RGS17: variants seen among roughly 807,000 people sequenced by gnomAD.
RGS17 encodes the protein regulator of G protein signaling 17, also known as regulator of G-protein signaling 17.
RGS17 carries 12 observed loss-of-function variants against 25.5 expected under a neutral mutation model. That is an observed-to-expected ratio of 0.47 (90% CI 0.30 to 0.76). RGS17 has a LOEUF of 0.76. RGS17 is among the 30% of genes least tolerant of loss of function. The pLI, the probability that RGS17 is intolerant of heterozygous loss-of-function variation, is 0.07. For synonymous variants in RGS17, 71 were observed against 76.9 expected (o/e 0.92, Z 0.40); for missense variants, 196 against 242.2 (o/e 0.81, Z 1.27).
chr6:153,085,819 C>T (rs760019038), intron 1 of RGS17, among the ~76,000 whole-genome samples: 5 of 152,068 alleles, frequency 3.3e-5, no homozygotes, highest in African/African-American at 9.7e-5. Flanking sequence ...AAATAGAGCC[C>T]ATGTACCCAG....
At chr6:153,054,877 A>G (rs972512821) in intron 1 of RGS17, among the ~76,000 whole-genome samples, 7 of 152,156 alleles carry the variant, frequency 4.6e-5, no homozygotes, top group African/African-American at 1.4e-4. Context: ...CATTTGGAAC[A>G]GATCACTCCT....
chr6:153,060,992 A>T (rs1776629579), intron 1 of RGS17, among the ~76,000 whole-genome samples: 1 of 152,172 alleles, frequency 6.6e-6, no homozygotes, highest in South Asian at 2.1e-4. Flanking sequence ...GGAGAATGAG[A>T]AGGCATCTTT....
At chr6:153,038,219 A>G (rs1446646579) in intron 2 of RGS17, among the ~76,000 whole-genome samples, 2 of 151,898 alleles carry the variant, frequency 1.3e-5, no homozygotes, top group Non-Finnish European at 2.9e-5. Flanking sequence ...TTTATCTACA[A>G]TTTCTTCCTC....
intron 1 of RGS17, among the ~76,000 whole-genome samples, chr6:153,101,321 A>C (rs1019597424): frequency 6.6e-5 from 10 of 152,176 alleles, no homozygotes; most frequent in African/African-American, 9.7e-5. Context: ...ATAGTATAAG[A>C]AGCACTGACT....
At chr6:153,090,100 C>A (rs1356098275) in intron 1 of RGS17, among the ~76,000 whole-genome samples, 1 of 151,920 alleles carries the variant, frequency 6.6e-6, no homozygotes, top group African/African-American at 2.4e-5. Context: ...CTGCTATCTG[C>A]TGTATGATGT....
At chr6:153,104,772 G>A (rs895489061) in intron 1 of RGS17, among the ~76,000 whole-genome samples, 1 of 150,612 alleles carries the variant, frequency 6.6e-6, no homozygotes, top group Admixed American at 6.6e-5. Flanking sequence ...GCAGTGAGCA[G>A]AGATCACGCC....
chr6:153,047,284 T>C (rs2129111210), intron 1 of RGS17, among the ~76,000 whole-genome samples: 1 of 152,318 alleles, frequency 6.6e-6, no homozygotes, highest in East Asian at 1.9e-4. Context: ...GATGCTGAAC[T>C]TAATGACCTG....
At chr6:153,024,622 A>G in intron 3 of RGS17, 126 bp from the exon 4 acceptor site, 1 of 696,814 alleles carries the variant, frequency 1.4e-6, no homozygotes, top group Admixed American at 2.7e-5. Context: ...GTATTTTGCC[A>G]CTCAGTCCAG....
chr6:153,085,174 T>C lies in RGS17; in HGVS notation c.-25-41131A>G, dbSNP rs541201020. Reference sequence around the variant, plus strand: ...ATGTTTCTATCTTGTATAGTATCCATAGTCAACACTTTGATACTGATATTT... The same window carrying C: ...ATGTTTCTATCTTGTATAGTATCCACAGTCAACACTTTGATACTGATATTT... On this transcript the variant is annotated intron_variant, in intron 1 of 4. Coordinates refer to ENST00000206262, the MANE Select transcript of RGS17 (RefSeq NM_012419.5). 2.5e-4 allele frequency among the ~76,000 whole-genome samples: 38 copies of C among 152,332 alleles called. No individual in the cohort carries two copies. The South Asian group carries it at 5.8e-3, about 23-fold the overall frequency.
At position 153,009,337 on chromosome 6, in the gene RGS17, TCACA is replaced by T. The variant is rs917326253; in HGVS notation, c.*2233_*2236del. On this transcript the variant is annotated 3_prime_UTR_variant, in exon 5 of 5. Transcript: ENST00000206262. ...GTCATGTGCACCAATTTGTTGAGCCTCACACACAGAAACAAATATGATACTACAC... is the reference window on the plus strand; with the variant it reads ...GTCATGTGCACCAATTTGTTGAGCCTCACAGAAACAAATATGATACTACAC... The T allele has an allele frequency of 2.0e-5, 3 of 152,050 alleles. No homozygotes were observed. The highest frequency in any genetic ancestry group is 7.2e-5 in the African/African-American group (3 of 41,438). 9.4% of individuals were successfully genotyped at this position (152,050 alleles called of 1,614,324 possible).
chr6:153,063,656 G>T (rs78966768), intron 1 of RGS17, among the ~76,000 whole-genome samples: 1 of 152,044 alleles, frequency 6.6e-6, no homozygotes, highest in African/African-American at 2.4e-5. Flanking sequence ...GAAAGAGAAG[G>T]GTAGAAAGTT....
intron 1 of RGS17, among the ~76,000 whole-genome samples, chr6:153,097,140 A>T (rs1379914559): frequency 1.3e-5 from 2 of 152,160 alleles, no homozygotes; most frequent in Non-Finnish European, 2.9e-5. Flanking sequence ...AATTGCATGA[A>T]ACAATTATCA....
chr6:153,027,867 AAAG>A (rs1294604546), intron 2 of RGS17, among the ~76,000 whole-genome samples: 1 of 152,190 alleles, frequency 6.6e-6, no homozygotes, highest in African/African-American at 2.4e-5. Context: ...GTTGGTATGG[AAAG>A]AAAGTGTTTA....
chr6:153,086,959 G>A (rs1272181740), intron 1 of RGS17, among the ~76,000 whole-genome samples: 1 of 152,070 alleles, frequency 6.6e-6, no homozygotes, highest in African/African-American at 2.4e-5. Context: ...TTGGGTATTT[G>A]AATTAAGTAA....
rs1779113811 is a variant in RGS17, at chr6:153,009,945, T to C, written c.*1629A>G. ...GTTTTAAGTTTATGGAAAAAGAAAC[T>C]TGTGATGCCAACCTTTCAAGTAAAA... On this transcript the variant is annotated 3_prime_UTR_variant, in exon 5 of 5. Transcript: ENST00000206262. 1 of 151,844 alleles carries C rather than the reference T, an allele frequency of 6.6e-6. No individual in the cohort carries two copies. Among genetic ancestry groups the C allele is most frequent in the Non-Finnish European group, 1.5e-5 (1 of 67,826 alleles). 9.4% of individuals were successfully genotyped at this position (151,844 alleles called of 1,614,324 possible).
At chr6:153,101,912 T>G (rs1475541763) in intron 1 of RGS17, among the ~76,000 whole-genome samples, 1 of 152,216 alleles carries the variant, frequency 6.6e-6, no homozygotes, top group African/African-American at 2.4e-5. Context: ...TCTGCAGAAC[T>G]GTGAGTCAAC....
chr6:153,043,771 G>C, intron 2 of RGS17, 129 bp downstream of exon 2: 2 of 602,164 alleles, frequency 3.3e-6, no homozygotes, highest in Non-Finnish European at 5.8e-6. Flanking sequence ...TCTTCAATAA[G>C]TCCTACTTGC....
At chr6:153,086,279 T>A (rs1777052288) in intron 1 of RGS17, among the ~76,000 whole-genome samples, 1 of 152,186 alleles carries the variant, frequency 6.6e-6, no homozygotes, top group Non-Finnish European at 1.5e-5. Flanking sequence ...GTTTTAGAAG[T>A]ATGTTTTATA....
intron 1 of RGS17, among the ~76,000 whole-genome samples, chr6:153,088,735 T>C (rs1255037871): frequency 1.3e-5 from 2 of 152,100 alleles, no homozygotes; most frequent in Admixed American, 1.3e-4. Flanking sequence ...CAGATGCTTT[T>C]GGTGACTGTG....
Sources: gnomAD v4.1 joint callset for allele counts (sites outside exome capture counted in the v4.1 genomes callset) on GRCh38, gnomAD v4.1.1 for gene constraint, MANE v1.5 for transcripts, NCBI Gene and HGNC (gene_info 2026-07-23, HGNC 2026-07-21) for gene names.